The following CCDC146 variants were observed in gnomAD, a reference collection of about 807,000 sequenced individuals.
The protein encoded by CCDC146 is coiled-coil domain-containing protein 146.
Under a neutral mutation model 119.3 loss-of-function variants are expected in CCDC146, and 92 were observed. The observed-to-expected ratio is 0.77, with a 90% CI of 0.65 to 0.92. The LOEUF (loss-of-function observed/expected upper bound fraction) is 0.92. CCDC146 is among the 40% of genes least tolerant of loss of function. The probability of loss-of-function intolerance (pLI) is 0.00; values close to 1 mark genes in which losing one functional copy is unlikely to be tolerated. For missense variants in CCDC146, 1,000 were observed against 1,103.0 expected (o/e 0.91, Z 1.32); for synonymous variants, 372 against 371.8 (o/e 1.00, Z -0.01).
intron 2 of CCDC146, among the ~76,000 whole-genome samples, chr7:77,202,840 A>G (rs144676541): frequency 6.6e-6 from 1 of 152,300 alleles, no homozygotes; most frequent in East Asian, 1.9e-4. Flanking sequence ...TAGAGTTTTT[A>G]AGAGACAGCT....
intron 4 of CCDC146, chr7:77,242,328 T>C: frequency 1.0e-6 from 1 of 978,344 alleles, no homozygotes; most frequent in Non-Finnish European, 1.2e-6. Context: ...GAGGGTCACA[T>C]GTCATCTGGC....
rs1341698795 is a variant in CCDC146, at chr7:77,196,197, T to C, written c.156+28373T>C. ...CATCATTTTTTAGCTATGAAAAATA[T>C]GAAACAAGGCATATTCTAAAGTGCT... On this transcript the variant is annotated intron_variant, in intron 2 of 18. Coordinates refer to ENST00000285871, the MANE Select transcript of CCDC146 (RefSeq NM_020879.3). The surrounding 1 kb of genome is among the most constrained non-coding windows in gnomAD (Gnocchi z 4.2). The C allele has an allele frequency of 1.5e-5, 15 of 991,022 alleles. No homozygotes were observed. Among genetic ancestry groups the C allele is most frequent in the East Asian group, 2.5e-5 (1 of 40,032 alleles). The allele number at this position is 991,022 out of a possible 1,614,324, so 61.4% of individuals were successfully genotyped here. A position where few individuals can be genotyped will look rare whatever the true frequency, so the allele number is the denominator to read the frequency against.
chr7:77,124,645 C>A (rs2117379689), intron 1 of CCDC146, among the ~76,000 whole-genome samples: 1 of 152,090 alleles, frequency 6.6e-6, no homozygotes, highest in Non-Finnish European at 1.5e-5. Flanking sequence ...ACTTTTTTCT[C>A]CTTATTTAGA....
chr7:77,220,952 A>G (rs1004042418), intron 2 of CCDC146, among the ~76,000 whole-genome samples: 6 of 152,214 alleles, frequency 3.9e-5, no homozygotes, highest in South Asian at 2.1e-4. Context: ...CAGGCTGTAC[A>G]GGAAGCATGG....
At chr7:77,152,395 C>G (rs1791120147) in intron 1 of CCDC146, among the ~76,000 whole-genome samples, 1 of 152,088 alleles carries the variant, frequency 6.6e-6, no homozygotes, top group African/African-American at 2.4e-5. Flanking sequence ...AAGTGGAGAT[C>G]TGCCAAGGGC....
At chr7:77,244,497 T>C (rs992749578) in intron 4 of CCDC146, among the ~76,000 whole-genome samples, 1 of 152,194 alleles carries the variant, frequency 6.6e-6, no homozygotes, top group Non-Finnish European at 1.5e-5. Context: ...TTATCTTTTA[T>C]GCCATATTTT....
intron 1 of CCDC146, among the ~76,000 whole-genome samples, chr7:77,145,012 C>T (rs1196306182): frequency 6.6e-6 from 1 of 151,724 alleles, no homozygotes; most frequent in African/African-American, 2.4e-5. Context: ...CCTCCTAGTA[C>T]CTCTGGTAGA....
intron 1 of CCDC146, among the ~76,000 whole-genome samples, chr7:77,134,369 CA>C (rs1790830687): frequency 6.6e-6 from 1 of 151,846 alleles, no homozygotes; most frequent in African/African-American, 2.4e-5. Context: ...AACCACAAAA[CA>C]GAAAAAGAGT....
At chr7:77,233,008 C>T (rs1792660896) in intron 2 of CCDC146, among the ~76,000 whole-genome samples, 1 of 151,990 alleles carries the variant, frequency 6.6e-6, no homozygotes, top group African/African-American at 2.4e-5. Context: ...TATTATATAA[C>T]CTTAGGTCAA....
intron 6 of CCDC146, chr7:77,258,065 C>G (rs1414148539): frequency 1.3e-5 from 2 of 152,216 alleles, no homozygotes; most frequent in African/African-American, 2.4e-5. Flanking sequence ...GGGGAAGAAG[C>G]TGGGCCAGAA....
intron 4 of CCDC146, among the ~76,000 whole-genome samples, chr7:77,248,001 A>T (rs370145206): frequency 1.7e-4 from 26 of 152,354 alleles, no homozygotes; most frequent in African/African-American, 5.8e-4. Flanking sequence ...TTGCAACACT[A>T]TTCACAATAG....
intron 2 of CCDC146, chr7:77,199,152 A>T (rs762561756): frequency 6.3e-7 from 1 of 1,579,720 alleles, no homozygotes; most frequent in South Asian, 1.2e-5. Flanking sequence ...ATTTATGAAC[A>T]TATGATAAGA....
chr7:77,206,445 T>C (rs1456641181), intron 2 of CCDC146, among the ~76,000 whole-genome samples: 3 of 151,968 alleles, frequency 2.0e-5, no homozygotes, highest in Non-Finnish European at 4.4e-5. Flanking sequence ...TGAAATCCCA[T>C]CTCTACTAAA....
intron 2 of CCDC146, among the ~76,000 whole-genome samples, chr7:77,231,471 G>T (rs189841229): frequency 1.8e-4 from 28 of 152,240 alleles, no homozygotes; most frequent in Admixed American, 1.8e-3. Flanking sequence ...TCCATTCAGG[G>T]ATCCTCCTGG....
chr7:77,163,249 A>G (rs868001826), intron 1 of CCDC146, among the ~76,000 whole-genome samples: 7 of 152,170 alleles, frequency 4.6e-5, no homozygotes, highest in African/African-American at 1.7e-4. Context: ...GGAGTTCAAG[A>G]CCAGCATGGC....
intron 2 of CCDC146, among the ~76,000 whole-genome samples, chr7:77,211,503 T>A (rs1436796932): frequency 6.6e-6 from 1 of 152,252 alleles, no homozygotes; most frequent in Non-Finnish European, 1.5e-5. Context: ...AGCATTCTTG[T>A]ACATGTCTCT....
rs1228091677 is a variant in CCDC146 at position 77,294,572 on chromosome 7, G to A, written c.2665-91G>A. On this transcript the variant is annotated intron_variant, in intron 18 of 18. Coordinates refer to ENST00000285871, the MANE Select transcript of CCDC146 (RefSeq NM_020879.3). ...GTATCAGCTAGCACGGTCAAAGACT[G>A]TCCAGACCAGCTGTGTCTTTTGGGA... 2.4e-6 allele frequency: 3 copies of A among 1,275,040 alleles called. No individual in the cohort carries two copies. The African/African-American group carries it at 4.4e-5, about 19-fold the overall frequency. 79.0% of individuals were successfully genotyped at this position (1,275,040 alleles called of 1,614,324 possible).
intron 4 of CCDC146, among the ~76,000 whole-genome samples, chr7:77,247,588 A>T (rs1040599614): frequency 6.6e-6 from 1 of 152,250 alleles, no homozygotes; most frequent in Non-Finnish European, 1.5e-5. Context: ...CATCTACATT[A>T]TTGCAAATAA....
At chr7:77,195,150 C>A (rs1791841620) in intron 2 of CCDC146, 1 of 151,614 alleles carries the variant, frequency 6.6e-6, no homozygotes, top group East Asian at 1.9e-4. Context: ...GCTTCATTAC[C>A]CACATATCCC....
Sources: gnomAD v4.1 joint callset for allele counts (sites outside exome capture counted in the v4.1 genomes callset) on GRCh38, gnomAD v4.1.1 for gene constraint, Gnocchi (gnomAD v3.1) non-coding constraint, MANE v1.5 for transcripts, NCBI Gene and HGNC (gene_info 2026-07-23, HGNC 2026-07-21) for gene names.